DUSP10: variants seen among roughly 807,000 people sequenced by gnomAD.
DUSP10 encodes dual specificity phosphatase 10, also known as dual specificity protein phosphatase 10.
A neutral mutation model predicts 30.8 loss-of-function variants in DUSP10; 14 were observed. That is an observed-to-expected ratio of 0.46 (90% CI 0.30 to 0.71). The LOEUF (loss-of-function observed/expected upper bound fraction) is 0.71, where lower values mean the gene tolerates loss of function less well. Among genes scored for constraint, DUSP10 ranks in the 30% least tolerant of loss-of-function variants. The probability of loss-of-function intolerance (pLI) is 0.08; values close to 1 mark genes in which losing one functional copy is unlikely to be tolerated. For missense variants in DUSP10, 550 were observed against 619.4 expected, an observed-to-expected ratio of 0.89 and a Z score of 1.19; for synonymous variants, 254 against 250.4, an observed-to-expected ratio of 1.01 and a Z score of -0.14.
At chr1:221,734,755 A>G (rs1051281948) in intron 2 of DUSP10, among the ~76,000 whole-genome samples, 1 of 152,124 alleles carries the variant, frequency 6.6e-6, no homozygotes, top group African/African-American at 2.4e-5. Flanking sequence ...ATCATTTGCT[A>G]CAAGGCTAAT....
chr1:221,706,234 G>A lies in DUSP10; in HGVS notation c.1044C>T (p.Ile348=), dbSNP rs371770271. Residue 348 remains isoleucine (I), a synonymous_variant, in exon 3 of 4, where the codon ATC becomes ATT. Coordinates refer to ENST00000366899, the MANE Select transcript of DUSP10 (RefSeq NM_007207.6). This position sits in a 1 kb window ranked among gnomAD's most constrained non-coding sequence, Gnocchi z 4.6. ...QDLDTMQRLN[I]GYVINVTTHL... ...GAGTGGTGACGTTGATGACGTAGCC[G>A]ATGTTCAGCCGCTGCATGGTGTCCA... 19 of 1,614,036 alleles carry A rather than the reference G, an allele frequency of 1.2e-5. No individual in the cohort carries two copies. Among genetic ancestry groups the A allele is most frequent in the South Asian group, 3.3e-5 (3 of 91,086 alleles).
At chr1:221,721,778 C>T (rs1661284865) in intron 2 of DUSP10, among the ~76,000 whole-genome samples, 1 of 152,148 alleles carries the variant, frequency 6.6e-6, no homozygotes. Flanking sequence ...GGGAAACTCA[C>T]CCTGAGGGAT....
In DUSP10 at chr1:221,739,110, A is replaced by G. The variant is rs1661866311; in HGVS notation, c.635T>C (p.Val212Ala). 8.1e-6 allele frequency: 13 copies of G among 1,614,096 alleles called. No homozygotes were observed. The highest frequency in any genetic ancestry group is 1.7e-5 in the Admixed American group (1 of 60,012). Residue 212 changes from valine (V) to alanine (A), a missense_variant, in exon 2 of 4, where the codon GTC becomes GCC. By Grantham distance (64) the Val-to-Ala change is moderately conservative. Coordinates refer to ENST00000366899, the MANE Select transcript of DUSP10 (RefSeq NM_007207.6). ...TTCCCTACAGGAAATCAAGTCTAGG[A>G]CAGTGATCTTGCCCTGCTGCAGTCT... ...RRRLQQGKITVLDLISCREGK... is the reference protein window; with the variant it reads ...RRRLQQGKITALDLISCREGK...
At chr1:221,738,649 C>CT (rs1471072392) in intron 2 of DUSP10, among the ~76,000 whole-genome samples, 1 of 152,166 alleles carries the variant, frequency 6.6e-6, no homozygotes, top group Non-Finnish European at 1.5e-5. Context: ...TATAAAGCCC[C>CT]TTTTTAGAAA....
chr1:221,702,285 A>G lies in DUSP10; in HGVS notation c.*127T>C. The G allele has an allele frequency of 1.8e-6, 2 of 1,101,160 alleles. No homozygotes were observed. Among genetic ancestry groups the G allele is most frequent in the Non-Finnish European group, 2.6e-6 (2 of 768,472 alleles). 68.2% of individuals were successfully genotyped at this position (1,101,160 alleles called of 1,614,324 possible). On this transcript the variant is annotated 3_prime_UTR_variant, in exon 4 of 4. Transcript: ENST00000366899. This position sits in a 1 kb window ranked among gnomAD's most constrained non-coding sequence, Gnocchi z 4.5. Reference sequence around the variant, plus strand: ...TTGTTAAAAATAAAGTGTTTAAACAAGTTTGTTTCCATTCACAAACTTACT... The same window carrying G: ...TTGTTAAAAATAAAGTGTTTAAACAGGTTTGTTTCCATTCACAAACTTACT...
chr1:221,702,505 C>T lies in DUSP10; in HGVS notation c.1356G>A (p.Met452Ile). The T allele has an allele frequency of 6.2e-7, 1 of 1,614,100 alleles. No homozygotes were observed. The highest frequency in any genetic ancestry group is 8.5e-7 in the Non-Finnish European group (1 of 1,180,026). The change falls in exon 4 of 4, where the codon ATG (methionine) becomes ATA (isoleucine). Residue 452 changes from methionine (M) to isoleucine (I), a missense_variant. Coordinates refer to ENST00000366899, the MANE Select transcript of DUSP10 (RefSeq NM_007207.6). The surrounding 1 kb of genome is among the most constrained non-coding windows in gnomAD (Gnocchi z 4.5). Reference protein sequence around the residue: ...RPIISPNLNFMGQLLEFEEDL... With the variant: ...RPIISPNLNFIGQLLEFEEDL... Reference sequence around the variant, plus strand: ...CTTCCTCGAACTCTAGCAACTGCCCCATGAAGTTAAGGTTTGGGGAGATAA... The same window carrying T: ...CTTCCTCGAACTCTAGCAACTGCCCTATGAAGTTAAGGTTTGGGGAGATAA...
At chr1:221,707,087 G>A (rs915115111) in intron 2 of DUSP10, among the ~76,000 whole-genome samples, 6 of 152,204 alleles carry the variant, frequency 3.9e-5, no homozygotes, top group Admixed American at 6.5e-5. Flanking sequence ...TGTAAACTGA[G>A]GGTGATGGTG....
Position 221,717,058 on chromosome 1 carries a change from G to C in DUSP10, c.812-10592C>G, listed in dbSNP as rs557415474. On this transcript the variant is annotated intron_variant, in intron 2 of 3. Coordinates refer to ENST00000366899, the MANE Select transcript of DUSP10 (RefSeq NM_007207.6). ...CCATAAACACAGATTCCAGAAGGCA[G>C]TCACAAATTAAGATAAGTCATAACG... Among the ~76,000 whole-genome samples the C allele has an allele frequency of 7.2e-5, 11 of 152,304 alleles. No homozygotes were observed. The South Asian group carries it at 1.7e-3, about 23-fold the overall frequency.
At chr1:221,726,113 A>C (rs1308348550) in intron 2 of DUSP10, among the ~76,000 whole-genome samples, 1 of 152,224 alleles carries the variant, frequency 6.6e-6, no homozygotes, top group African/African-American at 2.4e-5. Context: ...AAAAACTCAC[A>C]ACTTTGATAG....
At chr1:221,740,957 C>T (rs761615683) in intron 1 of DUSP10, among the ~76,000 whole-genome samples, 2 of 152,182 alleles carry the variant, frequency 1.3e-5, no homozygotes, top group African/African-American at 4.8e-5. Flanking sequence ...CGCCAAGAGA[C>T]GCTCACCTAA....
At chr1:221,733,620 G>A (rs1484745634) in intron 2 of DUSP10, among the ~76,000 whole-genome samples, 1 of 152,198 alleles carries the variant, frequency 6.6e-6, no homozygotes, top group African/African-American at 2.4e-5. Context: ...GGAGAGCAGG[G>A]TCCAGAGGCT....
In DUSP10 at chr1:221,738,996, T is replaced by A; in HGVS notation, c.749A>T (p.Gln250Leu). 6.2e-7 allele frequency: 1 copy of A among 1,614,182 alleles called. No individual in the cohort carries two copies. Among genetic ancestry groups the A allele is most frequent in the South Asian group, 1.1e-5 (1 of 91,086 alleles). The part of the protein sequence containing the change: ...TNEPSRVMPS[Q>L]PLHIVLESLK... ...GGACTCGAGGACTATGTGAAGTGGC[T>A]GGGAGGGCATCACTCGGCTTGGTTC... is the stretch of plus-strand genomic sequence containing the variant. Residue 250 changes from glutamine (Q) to leucine (L), a missense_variant, in exon 2 of 4, where the codon CAG (glutamine) becomes CTG (leucine). Transcript: ENST00000366899.
At chr1:221,735,456 A>C (rs898323673) in intron 2 of DUSP10, among the ~76,000 whole-genome samples, 6 of 152,264 alleles carry the variant, frequency 3.9e-5, no homozygotes, top group Admixed American at 3.9e-4. Context: ...GAAAATGTTC[A>C]TAGTATACTA....
At chr1:221,716,303 C>G (rs1255745251) in intron 2 of DUSP10, among the ~76,000 whole-genome samples, 1 of 152,214 alleles carries the variant, frequency 6.6e-6, no homozygotes, top group African/African-American at 2.4e-5. Flanking sequence ...CCATCTTTAA[C>G]TCACCCTCCC....
intron 1 of DUSP10, among the ~76,000 whole-genome samples, chr1:221,740,262 G>C (rs1309277322): frequency 6.6e-6 from 1 of 152,176 alleles, no homozygotes; most frequent in African/African-American, 2.4e-5. Flanking sequence ...GTAACCAAGA[G>C]CACTGGCATG....
chr1:221,731,823 G>T (rs774697881), intron 2 of DUSP10, among the ~76,000 whole-genome samples: 2 of 151,660 alleles, frequency 1.3e-5, no homozygotes, highest in South Asian at 4.2e-4. Context: ...TGGCCAGGAT[G>T]GTCTCAATCT....
At chr1:221,732,623 A>G (rs1382624226) in intron 2 of DUSP10, among the ~76,000 whole-genome samples, 9 of 152,210 alleles carry the variant, frequency 5.9e-5, no homozygotes, top group Non-Finnish European at 1.3e-4. Flanking sequence ...GGCAAGACCT[A>G]CTTTAACATT....
chr1:221,715,219 A>G (rs1661061867), intron 2 of DUSP10, among the ~76,000 whole-genome samples: 1 of 152,250 alleles, frequency 6.6e-6, no homozygotes, highest in South Asian at 2.1e-4. Context: ...TGAGTCAGAA[A>G]CATCCAATGA....
At chr1:221,721,306 G>A (rs541226039) in intron 2 of DUSP10, among the ~76,000 whole-genome samples, 1 of 152,292 alleles carries the variant, frequency 6.6e-6, no homozygotes, top group South Asian at 2.1e-4. Context: ...CTATGGATTT[G>A]CGAGATTTGA....
Sources: allele counts gnomAD v4.1 joint callset (sites outside exome capture counted in the v4.1 genomes callset), GRCh38; gene constraint gnomAD v4.1.1; non-coding constraint Gnocchi (gnomAD v3.1); transcripts MANE v1.5; gene names NCBI Gene and HGNC (gene_info 2026-07-23, HGNC 2026-07-21).